Variants in CACNA2D3 observed in about 807,000 individuals in gnomAD.
CACNA2D3 encodes calcium voltage-gated channel auxiliary subunit alpha2delta 3.
Under a neutral mutation model 160.6 loss-of-function variants are expected in CACNA2D3, and 60 were observed. The ratio of observed to expected loss-of-function variants is 0.37; its 90% CI spans 0.30 to 0.46. CACNA2D3 has a LOEUF of 0.46. Among genes scored for constraint, CACNA2D3 ranks in the 20% least tolerant of loss-of-function variants. The pLI is 1.00. For missense variants in CACNA2D3, 1,205 were observed against 1,365.0 expected, an observed-to-expected ratio of 0.88 and a Z score of 1.85; for synonymous variants, 558 against 492.9, an observed-to-expected ratio of 1.13 and a Z score of -1.75.
At chr3:54,984,760 C>A in intron 30 of CACNA2D3, 90 bp downstream of exon 30, 1 of 780,848 alleles carries the variant, frequency 1.3e-6, no homozygotes, top group Non-Finnish European at 2.1e-6. Context: ...AACTTGGAGA[C>A]AATGATCTTT....
chr3:54,201,064 C>T (rs1386814628), intron 2 of CACNA2D3, among the ~76,000 whole-genome samples: 4 of 152,146 alleles, frequency 2.6e-5, no homozygotes, highest in South Asian at 2.1e-4. Context: ...TGAAATGAGA[C>T]GCTCTGTAAA....
intron 2 of CACNA2D3, among the ~76,000 whole-genome samples, chr3:54,226,704 C>G (rs1043048418): frequency 6.6e-5 from 10 of 152,144 alleles, no homozygotes; most frequent in African/African-American, 2.4e-4. Context: ...TCCTATAACA[C>G]TGCCGAAAGC....
intron 2 of CACNA2D3, among the ~76,000 whole-genome samples, chr3:54,182,457 A>G (rs1700801325): frequency 6.6e-6 from 1 of 152,226 alleles, no homozygotes; most frequent in African/African-American, 2.4e-5. Context: ...CGTCACTGGC[A>G]TAAATAAATG....
chr3:54,664,103 T>A lies in CACNA2D3; in HGVS notation c.1167+21862T>A, dbSNP rs1026246708. On this transcript the variant is annotated intron_variant, in intron 11 of 37. Transcript: ENST00000474759. Reference sequence around the variant, plus strand: ...CAGCTGTGCTGAGCCGAATCGGCGATGGCAAAGAGGTTGCATCCCCAAGGG... The same window carrying A: ...CAGCTGTGCTGAGCCGAATCGGCGAAGGCAAAGAGGTTGCATCCCCAAGGG... Among the ~76,000 whole-genome samples, 5 of 152,384 alleles carry A rather than the reference T, an allele frequency of 3.3e-5. No homozygotes were observed. The South Asian group carries it at 1.0e-3, about 32-fold the overall frequency.
intron 4 of CACNA2D3, among the ~76,000 whole-genome samples, chr3:54,497,713 A>G (rs185000049): frequency 5.9e-5 from 9 of 152,164 alleles, no homozygotes; most frequent in Non-Finnish European, 1.2e-4. Flanking sequence ...CTTCTTCATC[A>G]ATATAATGTC....
intron 2 of CACNA2D3, among the ~76,000 whole-genome samples, chr3:54,237,929 A>G (rs915168868): frequency 6.6e-6 from 1 of 152,204 alleles, no homozygotes; most frequent in Non-Finnish European, 1.5e-5. Context: ...TCTTTACTGC[A>G]GGACTTTTCA....
chr3:54,979,053 A>G (rs1361555580), intron 29 of CACNA2D3, among the ~76,000 whole-genome samples: 2 of 152,218 alleles, frequency 1.3e-5, no homozygotes, highest in Non-Finnish European at 2.9e-5. Flanking sequence ...ATTTTGTTCC[A>G]TAGAGGGAAT....
Position 55,018,326 on chromosome 3 carries a change from T to TC in CACNA2D3, c.2987+15dup, listed in dbSNP as rs1703372852. 3.2e-6 allele frequency: 5 copies of TC among 1,541,400 alleles called. No homozygotes were observed. The highest frequency in any genetic ancestry group is 3.6e-6 in the Non-Finnish European group (4 of 1,115,982). ...TGTGAAGACTGCTCCAAGTAAGCCA[T>TC]CCCCCCACCCTCTAACCCCCTACAC... On this transcript the variant is annotated intron_variant, in intron 35 of 37. Transcript: ENST00000474759.
intron 4 of CACNA2D3, among the ~76,000 whole-genome samples, chr3:54,443,574 C>T (rs1300629813): frequency 6.6e-6 from 1 of 152,180 alleles, no homozygotes; most frequent in Non-Finnish European, 1.5e-5. Flanking sequence ...TTCTTCCTCT[C>T]ACCTGACATG....
At chr3:54,404,114 G>A (rs1699527431) in intron 4 of CACNA2D3, among the ~76,000 whole-genome samples, 1 of 152,150 alleles carries the variant, frequency 6.6e-6, no homozygotes, top group Admixed American at 6.5e-5. Flanking sequence ...TAGAGCTGGA[G>A]GGAATACTTC....
At chr3:54,264,186 G>A (rs1054670385) in intron 2 of CACNA2D3, among the ~76,000 whole-genome samples, 6 of 151,954 alleles carry the variant, frequency 3.9e-5, no homozygotes, top group East Asian at 1.9e-4. Context: ...TGGTGTCCTC[G>A]GCTGATTACA....
intron 4 of CACNA2D3, among the ~76,000 whole-genome samples, chr3:54,413,398 C>CTATATATATCTA (rs1553654375): frequency 1.4e-5 from 2 of 143,226 alleles, no homozygotes; most frequent in Non-Finnish European, 3.0e-5. Flanking sequence ...ATATATATAT[C>CTATATATATCTA]TATATATATC....
At chr3:54,466,262 T>G (rs758899679) in intron 4 of CACNA2D3, among the ~76,000 whole-genome samples, 1 of 152,198 alleles carries the variant, frequency 6.6e-6, no homozygotes, top group Non-Finnish European at 1.5e-5. Flanking sequence ...ACAGTGAGTG[T>G]TGTATAAATT....
At chr3:54,138,056 G>A (rs957307826) in intron 2 of CACNA2D3, among the ~76,000 whole-genome samples, 1 of 152,160 alleles carries the variant, frequency 6.6e-6, no homozygotes, top group Non-Finnish European at 1.5e-5. Context: ...CCACTGCGAC[G>A]ATCCCATGGG....
chr3:54,370,379 T>G (rs1698903892), intron 3 of CACNA2D3, among the ~76,000 whole-genome samples: 2 of 152,210 alleles, frequency 1.3e-5, no homozygotes, highest in African/African-American at 4.8e-5. Flanking sequence ...TTCACAGTTA[T>G]TGCAAATGAC....
At chr3:54,355,185 T>C (rs1398175951) in intron 3 of CACNA2D3, among the ~76,000 whole-genome samples, 2 of 152,220 alleles carry the variant, frequency 1.3e-5, no homozygotes, top group Non-Finnish European at 2.9e-5. Context: ...CACTGGGATC[T>C]GTATGGCCTG....
At chr3:54,620,515 G>C (rs575965913) in intron 9 of CACNA2D3, among the ~76,000 whole-genome samples, 1 of 152,100 alleles carries the variant, frequency 6.6e-6, no homozygotes, top group Non-Finnish European at 1.5e-5. Flanking sequence ...TGGATTTCAC[G>C]TACAAATCAC....
intron 8 of CACNA2D3, 61 bp from the exon 9 acceptor site, chr3:54,581,742 A>G: frequency 1.5e-6 from 2 of 1,370,020 alleles, no homozygotes; most frequent in Admixed American, 3.6e-5. Flanking sequence ...TCCTTAAATT[A>G]TTAAGAAGTA....
chr3:54,586,262 CAAA>C (rs34992866), intron 9 of CACNA2D3, among the ~76,000 whole-genome samples: 8 of 101,304 alleles, frequency 7.9e-5, no homozygotes, highest in African/African-American at 1.5e-4. Flanking sequence ...AGATCCATCT[CAAA>C]AAAAAAAAAA....
Sources: gnomAD v4.1 joint callset for allele counts (sites outside exome capture counted in the v4.1 genomes callset) on GRCh38, gnomAD v4.1.1 for gene constraint, MANE v1.5 for transcripts, NCBI Gene and HGNC (gene_info 2026-07-23, HGNC 2026-07-21) for gene names.